CD82: variants seen among roughly 807,000 people sequenced by gnomAD.
The protein encoded by CD82 is CD82 molecule, also known as CD82 antigen.
A neutral mutation model predicts 37.4 loss-of-function variants in CD82; 36 were observed. The ratio of observed to expected loss-of-function variants is 0.96; its 90% CI spans 0.74 to 1.27. The LOEUF (loss-of-function observed/expected upper bound fraction) is 1.27, where lower values mean the gene tolerates loss of function less well. Ranked by LOEUF, CD82 falls within the 50% of genes most tolerant of loss-of-function variation. CD82 has a pLI of 0.00. For synonymous variants in CD82, 158 were observed against 137.4 expected (o/e 1.15, Z -1.05); for missense variants, 340 against 347.0 (o/e 0.98, Z 0.16).
chr11:44,607,662 A>G (rs180721784), intron 6 of CD82, among the ~76,000 whole-genome samples: 2 of 152,222 alleles, frequency 1.3e-5, no homozygotes, highest in East Asian at 1.9e-4. Context: ...TACATGTTCA[A>G]ATTTACAAAC....
chr11:44,582,248 A>G (rs1852990874), intron 1 of CD82, among the ~76,000 whole-genome samples: 1 of 152,196 alleles, frequency 6.6e-6, no homozygotes, highest in Admixed American at 6.5e-5. Flanking sequence ...GGATGCTCTC[A>G]TGAATGTTCC....
intron 6 of CD82, among the ~76,000 whole-genome samples, chr11:44,613,301 T>C (rs1050995977): frequency 1.3e-5 from 2 of 152,170 alleles, no homozygotes; most frequent in African/African-American, 4.8e-5. Context: ...AGGGGCTGGC[T>C]CTCGGAGGCT....
intron 1 of CD82, among the ~76,000 whole-genome samples, chr11:44,568,190 G>T (rs768961432): frequency 6.6e-6 from 1 of 152,144 alleles, no homozygotes; most frequent in Admixed American, 6.5e-5. Flanking sequence ...AGCGGTCAAG[G>T]GATAATGAAC....
At chr11:44,580,937 GA>G (rs1852970697) in intron 1 of CD82, among the ~76,000 whole-genome samples, 1 of 152,144 alleles carries the variant, frequency 6.6e-6, no homozygotes, top group Non-Finnish European at 1.5e-5. Flanking sequence ...GGCATGATGT[GA>G]CAAAAGGTTT....
At chr11:44,586,037 C>T (rs1853049888) in intron 1 of CD82, among the ~76,000 whole-genome samples, 1 of 152,136 alleles carries the variant, frequency 6.6e-6, no homozygotes, top group Non-Finnish European at 1.5e-5. Flanking sequence ...TACCAGAAAC[C>T]CCAGGCCTGC....
chr11:44,600,094 A>C, intron 3 of CD82, 64 bp from the exon 4 acceptor site: 5 of 1,528,256 alleles, frequency 3.3e-6, no homozygotes, highest in Non-Finnish European at 3.6e-6. Flanking sequence ...GGTTCCAGGG[A>C]CAGCTGGCAG....
At chr11:44,570,208 G>A (rs1852794577) in intron 1 of CD82, among the ~76,000 whole-genome samples, 1 of 152,216 alleles carries the variant, frequency 6.6e-6, no homozygotes, top group African/African-American at 2.4e-5. Context: ...TCAGCTTCCT[G>A]AGGGGCAGTA....
intron 1 of CD82, among the ~76,000 whole-genome samples, chr11:44,576,411 A>C (rs1240451333): frequency 6.6e-6 from 1 of 152,152 alleles, no homozygotes; most frequent in African/African-American, 2.4e-5. Flanking sequence ...AGTTCACAGA[A>C]CTGAAAGGGG....
At chr11:44,615,937 C>T (rs1376480861) in intron 7 of CD82, among the ~76,000 whole-genome samples, 4 of 152,124 alleles carry the variant, frequency 2.6e-5, no homozygotes, top group African/African-American at 9.7e-5. Context: ...GACAGATGGA[C>T]GGACGGACTG....
At position 44,605,054 on chromosome 11, in the gene CD82, C is replaced by T. The variant is rs1049881247; in HGVS notation, c.137-4C>T. ...ACTGATTTTGTACTTCTTCTTCCCCCTAGAAACCTCCTCCAGCTCGCTTAG... is the reference window on the plus strand; with the variant it reads ...ACTGATTTTGTACTTCTTCTTCCCCTTAGAAACCTCCTCCAGCTCGCTTAG... On this transcript the variant is annotated splice_polypyrimidine_tract_variant and splice_region_variant and intron_variant, in intron 4 of 9. Transcript: ENST00000227155. 1 of 1,614,184 alleles carries T rather than the reference C, an allele frequency of 6.2e-7. No homozygotes were observed. The highest frequency in any genetic ancestry group is 8.5e-7 in the Non-Finnish European group (1 of 1,180,024).
chr11:44,618,077 C>A, intron 7 of CD82, 85 bp from the exon 8 acceptor site: 1 of 1,198,386 alleles, frequency 8.3e-7, no homozygotes, highest in Non-Finnish European at 1.2e-6. Context: ...CAGTCTCTGT[C>A]CTGGGGAGGT....
chr11:44,570,354 T>A (rs1852796722), intron 1 of CD82, among the ~76,000 whole-genome samples: 1 of 152,230 alleles, frequency 6.6e-6, no homozygotes, highest in Non-Finnish European at 1.5e-5. Context: ...TGTACCCTCC[T>A]CTTTGATCCT....
chr11:44,609,568 T>G (rs1171387939), intron 6 of CD82, among the ~76,000 whole-genome samples: 1 of 152,202 alleles, frequency 6.6e-6, no homozygotes, highest in South Asian at 2.1e-4. Context: ...TGTGACTTCC[T>G]TCTTGTCCTC....
In CD82 at chr11:44,582,345, G is replaced by A. The variant is rs547611585; in HGVS notation, c.-102-5130G>A. On this transcript the variant is annotated intron_variant, in intron 1 of 9. Transcript: ENST00000227155. Reference sequence around the variant, plus strand: ...CCCTGGGGCAGTCTGCAGGAACCCTGTGTCCATCCCATGCCTCAAGGGACA... The same window carrying A: ...CCCTGGGGCAGTCTGCAGGAACCCTATGTCCATCCCATGCCTCAAGGGACA... Among the ~76,000 whole-genome samples, 29 of 152,340 alleles carry A rather than the reference G, an allele frequency of 1.9e-4. No homozygotes were observed. The East Asian group carries it at 4.8e-3, about 25-fold the overall frequency.
chr11:44,609,835 C>A (rs543941315), intron 6 of CD82, among the ~76,000 whole-genome samples: 16 of 152,094 alleles, frequency 1.1e-4, no homozygotes, highest in Non-Finnish European at 2.1e-4. Context: ...TCCAGGCTAC[C>A]CCTCTGGAAA....
intron 1 of CD82, among the ~76,000 whole-genome samples, chr11:44,576,223 G>C (rs1479302285): frequency 6.6e-6 from 1 of 152,210 alleles, no homozygotes; most frequent in Non-Finnish European, 1.5e-5. Context: ...TCGTCTGGCA[G>C]GCACAACAGA....
chr11:44,579,843 C>A (rs1190000943), intron 1 of CD82, among the ~76,000 whole-genome samples: 1 of 152,200 alleles, frequency 6.6e-6, no homozygotes, highest in South Asian at 2.1e-4. Context: ...AGGAGCTGGG[C>A]TCCCGTCATG....
At chr11:44,595,661 T>C (rs1025650728) in intron 3 of CD82, among the ~76,000 whole-genome samples, 6 of 152,208 alleles carry the variant, frequency 3.9e-5, no homozygotes, top group Admixed American at 2.6e-4. Flanking sequence ...TATGCATCTC[T>C]GTATTTTCCC....
chr11:44,594,450 A>G (rs1447141128), intron 2 of CD82, among the ~76,000 whole-genome samples, 193 bp from the exon 3 acceptor site: 1 of 152,040 alleles, frequency 6.6e-6, no homozygotes, highest in Admixed American at 6.5e-5. Flanking sequence ...ACTGCCAAGC[A>G]TCAAGTGCCT....
Sources: gnomAD v4.1 joint callset for allele counts (sites outside exome capture counted in the v4.1 genomes callset) on GRCh38, gnomAD v4.1.1 for gene constraint, MANE v1.5 for transcripts, NCBI Gene and HGNC (gene_info 2026-07-23, HGNC 2026-07-21) for gene names.